The following CSMD2 variants were observed in gnomAD, a reference collection of about 807,000 sequenced individuals.
CSMD2 encodes the protein CUB and sushi domain-containing protein 2.
Under a neutral mutation model 398.5 loss-of-function variants are expected in CSMD2, and 130 were observed. That is an observed-to-expected ratio of 0.33 (90% CI 0.28 to 0.38). CSMD2 has a LOEUF of 0.38. Among genes scored for constraint, CSMD2 ranks in the 10% least tolerant of loss-of-function variants. The pLI, the probability that CSMD2 is intolerant of heterozygous loss-of-function variation, is 1.00. For synonymous variants in CSMD2, 1,828 were observed against 1,908.5 expected, an observed-to-expected ratio of 0.96 and a Z score of 1.10; for missense variants, 3,829 against 4,764.9, an observed-to-expected ratio of 0.80 and a Z score of 5.78.
chr1:34,051,512 T>C (rs1271930496), intron 2 of CSMD2, among the ~76,000 whole-genome samples: 3 of 152,182 alleles, frequency 2.0e-5, no homozygotes, highest in Non-Finnish European at 4.4e-5. Context: ...CATACATATA[T>C]ATTAAGTAAT....
At chr1:33,776,278 A>G (rs1651952346) in intron 12 of CSMD2, among the ~76,000 whole-genome samples, 1 of 152,180 alleles carries the variant, frequency 6.6e-6, no homozygotes, top group Non-Finnish European at 1.5e-5. Context: ...TGGGACTGAG[A>G]GCACACTAGA....
chr1:33,689,705 C>A (rs1156926404), intron 25 of CSMD2, among the ~76,000 whole-genome samples: 1 of 152,200 alleles, frequency 6.6e-6, no homozygotes, highest in East Asian at 1.9e-4. Context: ...GGCCGCTATG[C>A]CATGGATGAA....
At chr1:33,744,438 T>C (rs993495903) in intron 13 of CSMD2, among the ~76,000 whole-genome samples, 1 of 152,104 alleles carries the variant, frequency 6.6e-6, no homozygotes, top group Non-Finnish European at 1.5e-5. Flanking sequence ...ACAGCATCCA[T>C]TGTGATCCCT....
chr1:33,649,341 T>C (rs1232132312), intron 28 of CSMD2, among the ~76,000 whole-genome samples: 1 of 152,174 alleles, frequency 6.6e-6, no homozygotes, highest in Non-Finnish European at 1.5e-5. Context: ...AAACCAATTG[T>C]TTATTTCTCA....
chr1:33,823,550 G>C (rs1465988794), intron 7 of CSMD2, among the ~76,000 whole-genome samples: 3 of 152,180 alleles, frequency 2.0e-5, no homozygotes, highest in African/African-American at 7.2e-5. Flanking sequence ...GCCGCAATGT[G>C]CTCAGGAAGG....
At chr1:34,109,898 G>A (rs574220109) in intron 1 of CSMD2, among the ~76,000 whole-genome samples, 85 of 151,698 alleles carry the variant, frequency 5.6e-4, no homozygotes, top group Admixed American at 7.9e-4. Flanking sequence ...AAAATTAGCC[G>A]GGCGTGGTGG....
intron 3 of CSMD2, 127 bp from the exon 4 acceptor site, chr1:33,936,081 C>T: frequency 1.4e-6 from 1 of 708,368 alleles, no homozygotes; most frequent in Non-Finnish European, 2.3e-6. Context: ...CTTCTGTGAA[C>T]AGCATTGCCC....
At chr1:34,073,523 A>T (rs555886526) in intron 2 of CSMD2, among the ~76,000 whole-genome samples, 15 of 152,352 alleles carry the variant, frequency 9.8e-5, no homozygotes, top group Admixed American at 3.9e-4. Flanking sequence ...TGAGGCTGGG[A>T]CAAGGGCCTG....
rs556578201 is a variant in CSMD2 at position 34,062,230 on chromosome 1, A to C, written c.404+26747T>G. Among the ~76,000 whole-genome samples, 53 of 152,264 alleles carry C rather than the reference A, an allele frequency of 3.5e-4. No individual in the cohort carries two copies. In the Middle Eastern group the frequency reaches 0.02, roughly 59 times the overall value. ...TAGCTCAAAGCAAAACCAGACAAGC[A>C]CCCACCAGGCCCTCTGAGACTCTGC... is the stretch of plus-strand genomic sequence containing the variant. On this transcript the variant is annotated intron_variant, in intron 2 of 70. Coordinates refer to ENST00000373381, the MANE Select transcript of CSMD2 (RefSeq NM_001281956.2).
intron 6 of CSMD2, chr1:33,839,214 G>C (rs1041311563): frequency 6.6e-6 from 1 of 152,240 alleles, no homozygotes; most frequent in East Asian, 1.9e-4. Flanking sequence ...ATTCTAGGAT[G>C]CTTGGGATTT....
intron 1 of CSMD2, among the ~76,000 whole-genome samples, chr1:34,151,814 T>TCCC (rs67575054): frequency 2.7e-4 from 23 of 86,718 alleles, no homozygotes; most frequent in African/African-American, 7.8e-4. Context: ...CCTCCCTCCC[T>TCCC]CCCCCCCCTT....
rs1196175804 is a variant in CSMD2 at position 33,646,837 on chromosome 1, T to TG, written c.4587-3dup. 1.2e-6 allele frequency: 2 copies of TG among 1,607,224 alleles called. No homozygotes were observed. Among genetic ancestry groups the TG allele is most frequent in the Non-Finnish European group, 1.7e-6 (2 of 1,176,280 alleles). On this transcript the variant is annotated splice_region_variant and splice_polypyrimidine_tract_variant and intron_variant, in intron 28 of 70. Coordinates refer to ENST00000373381, the MANE Select transcript of CSMD2 (RefSeq NM_001281956.2). The stretch of plus-strand genomic sequence containing the variant: ...TCATAGCCAGGCTCCAGGTTAAAGC[T>TG]GGGGAACAAAAACATCCCACCCCCA...
rs55769634 is a variant in CSMD2 at position 33,783,431 on chromosome 1, T to TTCTCTCTC, written c.1663+5161_1663+5168dup. ...AAACAACACCATGCTCATTCTCTCA[T>TTCTCTCTC]TCTCTCTCTCTCTCTCTCTCTCTCT... is the stretch of plus-strand genomic sequence containing the variant. On this transcript the variant is annotated intron_variant, in intron 12 of 70. Coordinates refer to ENST00000373381, the MANE Select transcript of CSMD2 (RefSeq NM_001281956.2). Among the ~76,000 whole-genome samples, 674 of 135,212 alleles carry TTCTCTCTC rather than the reference T, an allele frequency of 5.0e-3. 17 individuals carry two copies. Among genetic ancestry groups the TTCTCTCTC allele is most frequent in the Middle Eastern group, 0.021 (6 of 280 alleles). 88.7% of individuals were successfully genotyped at this position (135,212 alleles called of 152,430 possible).
chr1:33,833,537 C>A (rs1419286713), intron 6 of CSMD2, among the ~76,000 whole-genome samples: 1 of 144,958 alleles, frequency 6.9e-6, no homozygotes, highest in Non-Finnish European at 1.5e-5. Context: ...AAACCCACAG[C>A]CAATATCATA....
At position 33,739,320 on chromosome 1, in the gene CSMD2, C is replaced by T. The variant is rs1356557694; in HGVS notation, c.2188G>A (p.Glu730Lys). The T allele has an allele frequency of 1.2e-6, 2 of 1,613,282 alleles. No individual in the cohort carries two copies. Among genetic ancestry groups the T allele is most frequent in the South Asian group, 1.1e-5 (1 of 90,968 alleles). The change falls in exon 15 of 71, where the codon GAG becomes AAG. Residue 730 changes from glutamate (E) to lysine (K), a missense_variant. Transcript: ENST00000373381. ...ACTGGAACGCCAGGATCCGGGCACT[C>T]GTTGTGTCGGAAGGCTGTGTAGATG... Reference protein sequence around the residue: ...NITFTTFRHNECPDPGVPVNG... With the variant: ...NITFTTFRHNKCPDPGVPVNG...
intron 3 of CSMD2, among the ~76,000 whole-genome samples, chr1:33,991,431 C>A (rs1367878168): frequency 6.6e-6 from 1 of 152,206 alleles, no homozygotes; most frequent in African/African-American, 2.4e-5. Flanking sequence ...GTACATCCTA[C>A]ATGAACTTGA....
At chr1:33,950,013 C>G (rs1318008059) in intron 3 of CSMD2, among the ~76,000 whole-genome samples, 1 of 152,174 alleles carries the variant, frequency 6.6e-6, no homozygotes, top group Non-Finnish European at 1.5e-5. Context: ...GCCAGCCATC[C>G]AAGCTGAGAC....
In CSMD2 at chr1:33,542,796, T is replaced by A. The variant is rs1467628740; in HGVS notation, c.9201A>T (p.Gly3067=). ...GGCTGAGCAGGCCTGTGGCGTAGTA[T>A]CCTTCCCGGCACTCATAGACGATAG... ...SSSIVYECRE[G]YYATGLLSRH... The change falls in exon 58 of 71, where the codon GGA becomes GGT. Residue 3067 remains glycine (G), a synonymous_variant. Coordinates refer to ENST00000373381, the MANE Select transcript of CSMD2 (RefSeq NM_001281956.2). 1 of 1,614,098 alleles carries A rather than the reference T, an allele frequency of 6.2e-7. No homozygotes were observed. Among genetic ancestry groups the A allele is most frequent in the Admixed American group, 1.7e-5 (1 of 60,014 alleles).
At chr1:34,081,668 C>T (rs1657155037) in intron 2 of CSMD2, among the ~76,000 whole-genome samples, 2 of 152,218 alleles carry the variant, frequency 1.3e-5, no homozygotes, top group South Asian at 4.1e-4. Flanking sequence ...GATCTGCCCG[C>T]CTCGGCCTCC....
Sources: gnomAD v4.1 joint callset for allele counts (sites outside exome capture counted in the v4.1 genomes callset) on GRCh38, gnomAD v4.1.1 for gene constraint, MANE v1.5 for transcripts, NCBI Gene and HGNC (gene_info 2026-07-23, HGNC 2026-07-21) for gene names.